NRDC: variants seen among roughly 807,000 people sequenced by gnomAD.
NRDC encodes nardilysin.
In NRDC, 54 loss-of-function variants were observed where a neutral mutation model predicts 147.1. The ratio of observed to expected loss-of-function variants is 0.37; its 90% CI spans 0.29 to 0.46. NRDC has a LOEUF of 0.46. NRDC is among the 20% of genes least tolerant of loss of function. The pLI is 1.00. For synonymous variants in NRDC, 440 were observed against 482.1 expected, an observed-to-expected ratio of 0.91 and a Z score of 1.14; for missense variants, 1,082 against 1,370.6, an observed-to-expected ratio of 0.79 and a Z score of 3.33.
At chr1:51,789,728 G>A in intron 29 of NRDC, 71 bp from the exon 30 acceptor site, 1 of 1,052,884 alleles carries the variant, frequency 9.5e-7, no homozygotes, top group South Asian at 1.3e-5. Flanking sequence ...CCCCCAGGCA[G>A]ATGTCCCTGG....
chr1:51,820,848 T>C (rs1348819803), intron 8 of NRDC, among the ~76,000 whole-genome samples: 1 of 152,148 alleles, frequency 6.6e-6, no homozygotes, highest in Non-Finnish European at 1.5e-5. Context: ...GAAGAAAGAT[T>C]TCATTGCTTC....
chr1:51,817,996 A>T, intron 10 of NRDC, 70 bp downstream of exon 10: 1 of 1,159,698 alleles, frequency 8.6e-7, no homozygotes, highest in Non-Finnish European at 1.3e-6. Flanking sequence ...CCAAACTTAA[A>T]CCATTTAGCA....
At chr1:51,878,179 T>C (rs1259090123) in intron 1 of NRDC, 96 bp downstream of exon 1, 2 of 1,460,976 alleles carry the variant, frequency 1.4e-6, no homozygotes, top group African/African-American at 2.8e-5. Flanking sequence ...TGTGCCCTGT[T>C]GCTCCATTGG....
At chr1:51,843,739 C>T (rs1475842242) in intron 1 of NRDC, among the ~76,000 whole-genome samples, 2 of 152,018 alleles carry the variant, frequency 1.3e-5, no homozygotes, top group Non-Finnish European at 2.9e-5. Context: ...AATCCAAGAG[C>T]TATTTTCCAA....
At chr1:51,845,010 T>A (rs1385923672) in intron 1 of NRDC, among the ~76,000 whole-genome samples, 1 of 152,184 alleles carries the variant, frequency 6.6e-6, no homozygotes, top group Non-Finnish European at 1.5e-5. Context: ...ATTTCCCTTT[T>A]CAAAATTCAT....
intron 14 of NRDC, 84 bp downstream of exon 14, chr1:51,813,951 G>A (rs544421639): frequency 1.8e-4 from 164 of 897,670 alleles, no homozygotes; most frequent in East Asian, 4.5e-4. Context: ...AAACTCCACC[G>A]ACACTTTCAA....
Position 51,797,525 on chromosome 1 carries a change from C to T in NRDC, c.2604+724G>A, listed in dbSNP as rs193018077. ...CATTTCTACAGGATAAAGCCCAGCA[C>T]CTTAGCTTCACAAACAGGCTTGACA... On this transcript the variant is annotated intron_variant, in intron 22 of 30. Coordinates refer to ENST00000352171, the MANE Select transcript of NRDC (RefSeq NM_001101662.2). 2.6e-3 allele frequency among the ~76,000 whole-genome samples: 402 copies of T among 152,254 alleles called. 1 individual carries two copies. Among genetic ancestry groups the T allele is most frequent in the African/African-American group, 9.1e-3 (377 of 41,530 alleles).
intron 19 of NRDC, 79 bp downstream of exon 19, chr1:51,805,428 TGAC>T: frequency 9.2e-7 from 1 of 1,091,954 alleles, no homozygotes; most frequent in Non-Finnish European, 1.3e-6. Flanking sequence ...ATAGAGAAAA[TGAC>T]AGAATGATTT....
intron 3 of NRDC, among the ~76,000 whole-genome samples, chr1:51,835,880 TTAAC>T (rs1680944929): frequency 1.3e-5 from 2 of 152,316 alleles, no homozygotes; most frequent in Middle Eastern, 3.4e-3. Flanking sequence ...TCCGTTGGCC[TTAAC>T]ATAGCTCAAC....
At chr1:51,790,441 TCC>T in intron 29 of NRDC, 90 bp downstream of exon 29, 2 of 812,672 alleles carry the variant, frequency 2.5e-6, no homozygotes, top group Non-Finnish European at 4.2e-6. Context: ...GAGTTTCTCT[TCC>T]ACACAATGCT....
chr1:51,861,376 C>A (rs1342473187), intron 1 of NRDC, among the ~76,000 whole-genome samples: 1 of 144,156 alleles, frequency 6.9e-6, no homozygotes, highest in Non-Finnish European at 1.5e-5. Context: ...GTTGCCCAGG[C>A]TGGAGTGCAG....
At chr1:51,877,565 AC>A (rs34616007) in intron 1 of NRDC, among the ~76,000 whole-genome samples, 77,565 of 151,898 alleles carry the variant, frequency 0.51, 21,050 homozygotes, top group East Asian at 0.93. Context: ...GAAATAAGCT[AC>A]CTCTGAAGGA....
chr1:51,838,698 T>C (rs933471824), intron 2 of NRDC, among the ~76,000 whole-genome samples: 5 of 152,024 alleles, frequency 3.3e-5, no homozygotes, highest in Non-Finnish European at 5.9e-5. Context: ...GAGCCAGAAG[T>C]AGAACCCAGG....
At chr1:51,828,869 C>T (rs1680575330) in intron 4 of NRDC, among the ~76,000 whole-genome samples, 1 of 151,982 alleles carries the variant, frequency 6.6e-6, no homozygotes, top group African/African-American at 2.4e-5. Context: ...GAGGTGTGCA[C>T]TACCATTTTT....
chr1:51,803,232 T>A (rs957036387), intron 20 of NRDC, among the ~76,000 whole-genome samples: 3 of 152,158 alleles, frequency 2.0e-5, no homozygotes, highest in Admixed American at 6.5e-5. Flanking sequence ...CCCAGCACTT[T>A]CAGAGGCTGA....
chr1:51,863,327 G>A (rs12407958), intron 1 of NRDC, among the ~76,000 whole-genome samples: 6,864 of 152,122 alleles, frequency 0.045, 191 homozygotes, highest in Middle Eastern at 0.065. Context: ...ACTTGAACCC[G>A]GGAGGCAGAG....
In NRDC at chr1:51,789,611, A is replaced by G; in HGVS notation, c.3215T>C (p.Phe1072Ser). 4 of 1,614,034 alleles carry G rather than the reference A, an allele frequency of 2.5e-6. No homozygotes were observed. Among genetic ancestry groups the G allele is most frequent in the Non-Finnish European group, 3.4e-6 (4 of 1,179,896 alleles). ...ACTTCCTGGCCCTCTATGGGCCTTG[A>G]ACCAGTTGACCAGGTCTGATTTTGA... The part of the protein sequence containing the change: ...SFSKSDLVNW[F>S]KAHRGPGSKM... Residue 1072 changes from phenylalanine to serine, a missense_variant, in exon 30 of 31, where the codon TTC becomes TCC. Transcript: ENST00000352171.
intron 1 of NRDC, among the ~76,000 whole-genome samples, chr1:51,855,777 G>A (rs1682205592): frequency 6.6e-6 from 1 of 152,108 alleles, no homozygotes; most frequent in African/African-American, 2.4e-5. Context: ...GGTGTCTGAG[G>A]CTGGAGGATC....
At chr1:51,820,473 C>T (rs562439292) in intron 8 of NRDC, among the ~76,000 whole-genome samples, 2 of 152,126 alleles carry the variant, frequency 1.3e-5, no homozygotes, top group South Asian at 4.2e-4. Context: ...TAATGCTCAT[C>T]AGGGATTGAC....
Sources: gnomAD v4.1 joint callset for allele counts (sites outside exome capture counted in the v4.1 genomes callset) on GRCh38, gnomAD v4.1.1 for gene constraint, MANE v1.5 for transcripts, NCBI Gene and HGNC (gene_info 2026-07-23, HGNC 2026-07-21) for gene names.